The following PRKN variants were observed in gnomAD, a reference collection of about 807,000 sequenced individuals.
The protein encoded by PRKN is parkin RBR E3 ubiquitin protein ligase.
Under a neutral mutation model 59.5 loss-of-function variants are expected in PRKN, and 56 were observed. The ratio of observed to expected loss-of-function variants is 0.94; its 90% CI spans 0.76 to 1.18. The LOEUF (loss-of-function observed/expected upper bound fraction) is 1.18. PRKN is among the 50% of genes most tolerant of loss of function. The pLI is 0.00. For synonymous variants in PRKN, 250 were observed against 222.1 expected (o/e 1.13, Z -1.12); for missense variants, 657 against 596.4 (o/e 1.10, Z -1.06).
At chr6:161,531,529 G>C (rs1010391150) in intron 9 of PRKN, among the ~76,000 whole-genome samples, 2 of 152,188 alleles carry the variant, frequency 1.3e-5, no homozygotes, top group African/African-American at 2.4e-5. Flanking sequence ...AGTGTCCCAA[G>C]GTAGGTGGCC....
intron 7 of PRKN, among the ~76,000 whole-genome samples, chr6:161,708,290 T>A (rs1264167491): frequency 6.6e-6 from 1 of 152,176 alleles, no homozygotes; most frequent in East Asian, 1.9e-4. Context: ...ATTTATTTTA[T>A]AATGTCTACT....
chr6:161,358,788 CTTT>C (rs34428983), intron 11 of PRKN, among the ~76,000 whole-genome samples: 1 of 67,818 alleles, frequency 1.5e-5, no homozygotes, highest in African/African-American at 6.6e-5. Flanking sequence ...GCCTTCTGCT[CTTT>C]TTTTTTTTTT....
chr6:161,792,521 C>T (rs1189533810), intron 6 of PRKN, among the ~76,000 whole-genome samples: 1 of 152,184 alleles, frequency 6.6e-6, no homozygotes, highest in East Asian at 1.9e-4. Flanking sequence ...TGAAGAGCAG[C>T]AGCATCTGAA....
intron 7 of PRKN, among the ~76,000 whole-genome samples, chr6:161,626,175 C>T (rs55705211): frequency 0.21 from 31,732 of 152,042 alleles, 3,405 homozygotes; most frequent in African/African-American, 0.23. Flanking sequence ...GCTCCAACTC[C>T]TTACTGTTTG....
At chr6:161,619,813 T>C (rs1343789836) in intron 7 of PRKN, among the ~76,000 whole-genome samples, 1 of 152,144 alleles carries the variant, frequency 6.6e-6, no homozygotes, top group African/African-American at 2.4e-5. Flanking sequence ...GAAGACTCTG[T>C]GTGAAATCAG....
At chr6:162,537,132 A>G (rs543969354) in intron 1 of PRKN, among the ~76,000 whole-genome samples, 1 of 152,332 alleles carries the variant, frequency 6.6e-6, no homozygotes, top group East Asian at 1.9e-4. Flanking sequence ...CTGAGATGAC[A>G]GCAGTTTCTA....
intron 1 of PRKN, among the ~76,000 whole-genome samples, chr6:162,521,695 AATGT>A (rs1451071059): frequency 6.6e-6 from 1 of 152,066 alleles, no homozygotes; most frequent in Admixed American, 6.6e-5. Context: ...ACATATATAT[AATGT>A]ATGTATTATA....
rs1789979747 is a variant in PRKN at position 161,456,588 on chromosome 6, T to A, written c.1084-69711A>T. ...CCCTTCATATATTCATCTATCCAATTAGTTCTGTCCCTCTAGAGAACCCTG... is the reference window on the plus strand; with the variant it reads ...CCCTTCATATATTCATCTATCCAATAAGTTCTGTCCCTCTAGAGAACCCTG... On this transcript the variant is annotated intron_variant, in intron 9 of 11. Coordinates refer to ENST00000366898, the MANE Select transcript of PRKN (RefSeq NM_004562.3). This position sits in a 1 kb window ranked among gnomAD's most constrained non-coding sequence, Gnocchi z 4.8. Among the ~76,000 whole-genome samples, 1 of 151,900 alleles carries A rather than the reference T, an allele frequency of 6.6e-6. No homozygotes were observed. Among genetic ancestry groups the A allele is most frequent in the Non-Finnish European group, 1.5e-5 (1 of 67,996 alleles).
chr6:161,640,089 T>C (rs1364022847), intron 7 of PRKN, among the ~76,000 whole-genome samples: 1 of 152,222 alleles, frequency 6.6e-6, no homozygotes, highest in Non-Finnish European at 1.5e-5. Flanking sequence ...ACCAGCACTG[T>C]ATGTATTTTA....
intron 6 of PRKN, among the ~76,000 whole-genome samples, chr6:161,893,499 G>T (rs979288204): frequency 7.9e-5 from 12 of 152,276 alleles, no homozygotes; most frequent in African/African-American, 2.9e-4. Context: ...AACACTGTCT[G>T]TGCCTTCACT....
chr6:161,828,312 C>T (rs969679173), intron 6 of PRKN, among the ~76,000 whole-genome samples: 3 of 152,172 alleles, frequency 2.0e-5, no homozygotes, highest in Non-Finnish European at 2.9e-5. Flanking sequence ...AAAATGAACC[C>T]TACATAAAGC....
In PRKN at chr6:161,941,078, G is replaced by A. The variant is rs1285096539; in HGVS notation, c.734+32224C>T. 2.0e-5 allele frequency among the ~76,000 whole-genome samples: 3 copies of A among 152,220 alleles called. No homozygotes were observed. In the East Asian group the frequency reaches 5.8e-4, roughly 29 times the overall value. ...ATGGAAGGTGGGGAAGGGAAGTGCT[G>A]GGTAGAGGAGGGCATGGTCCCTGCC... On this transcript the variant is annotated intron_variant, in intron 6 of 11. Coordinates refer to ENST00000366898, the MANE Select transcript of PRKN (RefSeq NM_004562.3).
rs1159370951 is a variant in PRKN at position 161,533,415 on chromosome 6, G to C, written c.1083+15439C>G. Among the ~76,000 whole-genome samples, 1 of 152,044 alleles carries C rather than the reference G, an allele frequency of 6.6e-6. No individual in the cohort carries two copies. The highest frequency in any genetic ancestry group is 6.6e-5 in the Admixed American group (1 of 15,262). On this transcript the variant is annotated intron_variant, in intron 9 of 11. Coordinates refer to ENST00000366898, the MANE Select transcript of PRKN (RefSeq NM_004562.3). The surrounding 1 kb of genome is among the most constrained non-coding windows in gnomAD (Gnocchi z 4.1). Reference sequence around the variant, plus strand: ...AACAAGCATGCTGGAAGCTTGCACAGGTACATGCTGGCAGTTGTGCCCGTA... The same window carrying C: ...AACAAGCATGCTGGAAGCTTGCACACGTACATGCTGGCAGTTGTGCCCGTA...
At chr6:161,872,961 C>CTTTT (rs112827816) in intron 6 of PRKN, among the ~76,000 whole-genome samples, 54,258 of 139,194 alleles carry the variant, frequency 0.39, 11,906 homozygotes, top group Middle Eastern at 0.51. Context: ...ACAGTAATGA[C>CTTTT]TTTTTTTTTT....
At position 161,376,638 on chromosome 6, in the gene PRKN, C is replaced by T. The variant is rs543789068; in HGVS notation, c.1167+10156G>A. ...CACCACCTTGGGACTGAGGTCACACCGTCACATCACGGCGATAGGGCAGCT... is the reference window on the plus strand; with the variant it reads ...CACCACCTTGGGACTGAGGTCACACTGTCACATCACGGCGATAGGGCAGCT... On this transcript the variant is annotated intron_variant, in intron 10 of 11. Transcript: ENST00000366898. This position sits in a 1 kb window ranked among gnomAD's most constrained non-coding sequence, Gnocchi z 7.3. Among the ~76,000 whole-genome samples, 22 of 152,258 alleles carry T rather than the reference C, an allele frequency of 1.4e-4. No homozygotes were observed. The South Asian group carries it at 2.1e-3, about 14-fold the overall frequency.
chr6:161,900,851 C>T (rs1269385166), intron 6 of PRKN, among the ~76,000 whole-genome samples: 191 of 134,264 alleles, frequency 1.4e-3, no homozygotes, highest in African/African-American at 5.3e-3. Context: ...TATATAATTA[C>T]ATATATAATA....
intron 9 of PRKN, among the ~76,000 whole-genome samples, chr6:161,528,399 A>C (rs2064416): frequency 0.16 from 24,938 of 152,186 alleles, 2,457 homozygotes; most frequent in Middle Eastern, 0.29. Flanking sequence ...GTGATGCCTT[A>C]ACCCTTTTGG....
intron 7 of PRKN, among the ~76,000 whole-genome samples, chr6:161,749,206 G>A (rs187606261): frequency 1.2e-4 from 19 of 152,294 alleles, no homozygotes; most frequent in Admixed American, 3.9e-4. Context: ...GCGCAGCTTC[G>A]CCTATTTCTC....
rs184456280 is a variant in PRKN, at chr6:161,963,503, A to C, written c.734+9799T>G. On this transcript the variant is annotated intron_variant, in intron 6 of 11. Transcript: ENST00000366898. Reference sequence around the variant, plus strand: ...ACATTTCAAAGTACCAGTGGGGATAAAATATTTCTTCTATGCTTTCGTAAG... The same window carrying C: ...ACATTTCAAAGTACCAGTGGGGATACAATATTTCTTCTATGCTTTCGTAAG... 1.6e-4 allele frequency among the ~76,000 whole-genome samples: 25 copies of C among 152,366 alleles called. No homozygotes were observed. In the East Asian group the frequency reaches 4.2e-3, roughly 26 times the overall value.
Sources: gnomAD v4.1 joint callset for allele counts (sites outside exome capture counted in the v4.1 genomes callset) on GRCh38, gnomAD v4.1.1 for gene constraint, Gnocchi (gnomAD v3.1) non-coding constraint, MANE v1.5 for transcripts, NCBI Gene and HGNC (gene_info 2026-07-23, HGNC 2026-07-21) for gene names.